EXT1: variants seen among roughly 807,000 people sequenced by gnomAD.
EXT1 encodes exostosin glycosyltransferase 1, also known as exostosin-1.
EXT1 carries 20 observed loss-of-function variants against 82.5 expected under a neutral mutation model. That is an observed-to-expected ratio of 0.24 (90% CI 0.17 to 0.35). The LOEUF is 0.35. EXT1 is among the 10% of genes least tolerant of loss of function. EXT1 has a pLI of 1.00. For synonymous variants in EXT1, 348 were observed against 350.8 expected, an observed-to-expected ratio of 0.99 and a Z score of 0.09; for missense variants, 757 against 936.5, an observed-to-expected ratio of 0.81 and a Z score of 2.50.
chr8:117,870,744 T>C (rs1812854113), intron 1 of EXT1, among the ~76,000 whole-genome samples: 1 of 151,886 alleles, frequency 6.6e-6, no homozygotes, highest in South Asian at 2.1e-4. Flanking sequence ...TGGGAGCCTG[T>C]TGAAAGCAGG....
chr8:117,837,007 C>T (rs1812198055), intron 2 of EXT1, 101 bp downstream of exon 2: 1 of 843,206 alleles, frequency 1.2e-6, no homozygotes, highest in Non-Finnish European at 2.1e-6. Flanking sequence ...AGGGAAACCA[C>T]ACCTTCTCTT....
chr8:117,928,406 TACAA>T (rs1411829897), intron 1 of EXT1, among the ~76,000 whole-genome samples: 1 of 152,166 alleles, frequency 6.6e-6, no homozygotes, highest in Non-Finnish European at 1.5e-5. Flanking sequence ...CACGAGCAAA[TACAA>T]AAGGTAATAA....
intron 1 of EXT1, among the ~76,000 whole-genome samples, chr8:118,100,445 C>T (rs960234441): frequency 4.6e-5 from 7 of 152,256 alleles, no homozygotes; most frequent in Non-Finnish European, 7.4e-5. Flanking sequence ...CCTCAACTGG[C>T]GAGGACTTAA....
At chr8:117,977,206 G>A (rs1201147216) in intron 1 of EXT1, among the ~76,000 whole-genome samples, 1 of 152,026 alleles carries the variant, frequency 6.6e-6, no homozygotes. Context: ...GGCTAACATG[G>A]TGAAACCCTG....
chr8:118,068,967 T>C (rs780467392), intron 1 of EXT1, among the ~76,000 whole-genome samples: 1 of 152,154 alleles, frequency 6.6e-6, no homozygotes, highest in Non-Finnish European at 1.5e-5. Flanking sequence ...GACTCTAGTA[T>C]CACGTGAACA....
chr8:118,061,247 T>A (rs972576871), intron 1 of EXT1, among the ~76,000 whole-genome samples: 1 of 152,224 alleles, frequency 6.6e-6, no homozygotes, highest in African/African-American at 2.4e-5. Context: ...TGTTATCATT[T>A]TATTATTATC....
chr8:118,099,399 T>C (rs1349655683), intron 1 of EXT1, among the ~76,000 whole-genome samples: 2 of 152,240 alleles, frequency 1.3e-5, no homozygotes, highest in Non-Finnish European at 2.9e-5. Context: ...TCTAATCTAC[T>C]GCAGGCTGAG....
At chr8:118,001,386 T>C (rs1249236460) in intron 1 of EXT1, among the ~76,000 whole-genome samples, 2 of 152,110 alleles carry the variant, frequency 1.3e-5, no homozygotes, top group Non-Finnish European at 2.9e-5. Context: ...GGTTTCGCCA[T>C]GTTAGCCAGG....
intron 1 of EXT1, among the ~76,000 whole-genome samples, chr8:118,039,432 C>A (rs957318675): frequency 6.6e-6 from 1 of 151,526 alleles, no homozygotes; most frequent in Non-Finnish European, 1.5e-5. Flanking sequence ...TAAGGGTGCA[C>A]GCCTGTAATC....
At chr8:117,851,378 C>CA (rs138600020) in intron 1 of EXT1, among the ~76,000 whole-genome samples, 43,708 of 140,876 alleles carry the variant, frequency 0.31, 6,909 homozygotes, top group Middle Eastern at 0.42. Context: ...TTTAAAAAGA[C>CA]AAAAAAAAAA....
intron 1 of EXT1, among the ~76,000 whole-genome samples, chr8:118,051,188 T>C (rs1816711205): frequency 6.6e-6 from 1 of 151,854 alleles, no homozygotes; most frequent in African/African-American, 2.4e-5. Context: ...ATATAAAAAA[T>C]TGACAGGGCA....
At position 117,882,446 on chromosome 8, in the gene EXT1, C is replaced by T. The variant is rs553452819; in HGVS notation, c.963-45245G>A. 3.9e-5 allele frequency among the ~76,000 whole-genome samples: 6 copies of T among 152,286 alleles called. No individual in the cohort carries two copies. In the South Asian group the frequency reaches 6.2e-4, roughly 16 times the overall value. Reference sequence around the variant, plus strand: ...GATTGGTTGGTTGAGAGGTGTCTAGCAGTCCTACTTTAATTTCCTCTTGCC... The same window carrying T: ...GATTGGTTGGTTGAGAGGTGTCTAGTAGTCCTACTTTAATTTCCTCTTGCC... On this transcript the variant is annotated intron_variant, in intron 1 of 10. Coordinates refer to ENST00000378204, the MANE Select transcript of EXT1 (RefSeq NM_000127.3).
At chr8:118,052,602 G>A (rs1816735826) in intron 1 of EXT1, among the ~76,000 whole-genome samples, 1 of 152,054 alleles carries the variant, frequency 6.6e-6, no homozygotes, top group Admixed American at 6.5e-5. Context: ...AATCTAAGAG[G>A]TAAAAAAACA....
chr8:118,061,788 T>C (rs2129943946), intron 1 of EXT1, among the ~76,000 whole-genome samples: 1 of 152,374 alleles, frequency 6.6e-6, no homozygotes, highest in Non-Finnish European at 1.5e-5. Context: ...TGACTTCTAG[T>C]AAAATGTTCA....
intron 7 of EXT1, among the ~76,000 whole-genome samples, chr8:117,814,376 A>G (rs141636615): frequency 6.6e-5 from 10 of 152,138 alleles, no homozygotes; most frequent in African/African-American, 2.2e-4. Flanking sequence ...GGAACTAACC[A>G]TAAGAATGCT....
At chr8:117,956,961 C>T (rs776832331) in intron 1 of EXT1, among the ~76,000 whole-genome samples, 16 of 152,186 alleles carry the variant, frequency 1.1e-4, no homozygotes, top group Non-Finnish European at 2.2e-4. Context: ...AATCCCGTGA[C>T]CATGAAGTGG....
intron 1 of EXT1, among the ~76,000 whole-genome samples, chr8:118,048,923 C>T (rs1816672822): frequency 6.6e-6 from 1 of 152,166 alleles, no homozygotes; most frequent in Admixed American, 6.5e-5. Context: ...CACCCAAGCA[C>T]CATGCTGACA....
At chr8:117,882,892 G>A (rs766530098) in intron 1 of EXT1, among the ~76,000 whole-genome samples, 33 of 151,002 alleles carry the variant, frequency 2.2e-4, no homozygotes, top group Non-Finnish European at 4.1e-4. Context: ...CAGGAGAATC[G>A]CTTGAACTGG....
chr8:118,110,575 G>C lies in EXT1; in HGVS notation c.472C>G (p.Leu158Val), dbSNP rs758078822. 1.7e-5 allele frequency: 27 copies of C among 1,614,096 alleles called. No individual in the cohort carries two copies. The highest frequency in any genetic ancestry group is 2.2e-5 in the Non-Finnish European group (26 of 1,180,052). The stretch of plus-strand genomic sequence containing the variant: ...AACTGGTCTCTGTCTAAAGTATCCA[G>C]ACTCAGGACAAAGAGGCACGCCTGG... ...PSQACLFVLS[L>V]DTLDRDQLSP... Residue 158 changes from leucine to valine, a missense_variant, in exon 1 of 11, where the codon CTG becomes GTG. By Grantham distance (32) the Leu-to-Val change is conservative (BLOSUM62 1). Transcript: ENST00000378204.
Sources: allele counts gnomAD v4.1 joint callset (sites outside exome capture counted in the v4.1 genomes callset), GRCh38; gene constraint gnomAD v4.1.1; transcripts MANE v1.5; gene names NCBI Gene and HGNC (gene_info 2026-07-23, HGNC 2026-07-21).